MYT1L: variants seen among roughly 807,000 people sequenced by gnomAD.
The protein encoded by MYT1L is myelin transcription factor 1 like, also known as myelin transcription factor 1-like protein.
A neutral mutation model predicts 126.7 loss-of-function variants in MYT1L; 12 were observed. The ratio of observed to expected loss-of-function variants is 0.09; its 90% CI spans 0.06 to 0.15. The LOEUF (loss-of-function observed/expected upper bound fraction) is 0.15. MYT1L is among the 10% of genes least tolerant of loss of function. The pLI is 1.00. For missense variants in MYT1L, 979 were observed against 1,585.2 expected (o/e 0.62, Z 6.49); for synonymous variants, 541 against 604.2 (o/e 0.90, Z 1.53).
At chr2:2,069,652 C>T (rs1574966070) in intron 3 of MYT1L, among the ~76,000 whole-genome samples, 1 of 152,060 alleles carries the variant, frequency 6.6e-6, no homozygotes, top group Admixed American at 6.5e-5. Context: ...ACCACACTGT[C>T]TTCCATAATG....
chr2:2,276,451 C>G (rs1379461010), intron 2 of MYT1L, among the ~76,000 whole-genome samples: 2 of 152,138 alleles, frequency 1.3e-5, no homozygotes, highest in Non-Finnish European at 2.9e-5. Context: ...TTAATAAAGT[C>G]CTTTTACAAC....
rs1054750140 is a variant in MYT1L at position 1,793,875 on chromosome 2, C to A, written c.3277-1411G>T. 3.3e-5 allele frequency among the ~76,000 whole-genome samples: 5 copies of A among 152,170 alleles called. No individual in the cohort carries two copies. The highest frequency in any genetic ancestry group is 1.2e-4 in the African/African-American group (5 of 41,456). ...TCAGGAGTGGATGCCTGCCCTCCCA[C>A]GACTCCTGGGTGGGCCTCGAAGGGC... On this transcript the variant is annotated intron_variant, in intron 23 of 24. Transcript: ENST00000647738. The surrounding 1 kb of genome is among the most constrained non-coding windows in gnomAD (Gnocchi z 4.6).
intron 13 of MYT1L, among the ~76,000 whole-genome samples, chr2:1,906,708 T>C (rs2051107124): frequency 6.6e-6 from 1 of 152,144 alleles, no homozygotes; most frequent in South Asian, 2.1e-4. Flanking sequence ...TAATTGACTG[T>C]CTATTGTCCT....
chr2:1,803,794 C>T (rs555360542), intron 22 of MYT1L, among the ~76,000 whole-genome samples: 14 of 152,192 alleles, frequency 9.2e-5, no homozygotes, highest in South Asian at 4.2e-4. Context: ...GACAGGGAAA[C>T]GGTGCCAGGA....
intron 23 of MYT1L, chr2:1,800,141 C>T (rs1259892027): frequency 6.6e-6 from 1 of 152,348 alleles, no homozygotes; most frequent in Admixed American, 6.5e-5. Context: ...TCTTTGCTGA[C>T]TTGGTCACCT....
chr2:2,129,905 C>CA (rs11417173), intron 3 of MYT1L, among the ~76,000 whole-genome samples: 45,423 of 118,248 alleles, frequency 0.38, 7,609 homozygotes, highest in African/African-American at 0.45. Context: ...GACTCCATCT[C>CA]AAAAAAAAAA....
chr2:1,837,479 A>G (rs1347282204), intron 21 of MYT1L, among the ~76,000 whole-genome samples: 15 of 152,320 alleles, frequency 9.8e-5, no homozygotes, highest in Admixed American at 8.5e-4. Context: ...GCATTTTGGC[A>G]TGATCTGTCA....
In MYT1L at chr2:2,014,199, T is replaced by G. The variant is rs921868065; in HGVS notation, c.-157-16852A>C. The stretch of plus-strand genomic sequence containing the variant: ...CAGTGGGATATGCAGGAATCCTGTT[T>G]TTTTTTTTTTTCCTGAGCAGTCAGA... On this transcript the variant is annotated intron_variant, in intron 4 of 24. Coordinates refer to ENST00000647738, the MANE Select transcript of MYT1L (RefSeq NM_001303052.2). 4.0e-5 allele frequency among the ~76,000 whole-genome samples: 6 copies of G among 151,852 alleles called. No homozygotes were observed. In the South Asian group the frequency reaches 8.4e-4, roughly 21 times the overall value.
In MYT1L at chr2:1,979,764, G is replaced by A. The variant is rs763616383; in HGVS notation, c.14C>T (p.Thr5Ile). The change falls in exon 6 of 25, where the codon ACC becomes ATC. Residue 5 changes from threonine (T) to isoleucine (I), a missense_variant. Thr to Ile is a moderately conservative substitution (Grantham distance 89). This residue lies in a region of MYT1L where 50 missense variants were observed against 48.6 expected (regional missense o/e 1.03). Transcript: ENST00000647738. The surrounding 1 kb of genome is among the most constrained non-coding windows in gnomAD (Gnocchi z 4.0). Reference protein sequence around the residue: MEVDTEEKRHRTRSK... With the variant: MEVDIEEKRHRTRSK... ...CCGCGTGCGATGCCGCTTCTCCTCG[G>A]TGTCCACCTCCATCTGGGGATAGAT... is the stretch of plus-strand genomic sequence containing the variant. 1 of 1,613,940 alleles carries A rather than the reference G, an allele frequency of 6.2e-7. No individual in the cohort carries two copies. Among genetic ancestry groups the A allele is most frequent in the East Asian group, 2.2e-5 (1 of 44,868 alleles).
At chr2:1,891,021 G>A (rs1207328932) in intron 15 of MYT1L, among the ~76,000 whole-genome samples, 2 of 151,698 alleles carry the variant, frequency 1.3e-5, no homozygotes, top group African/African-American at 4.8e-5. Flanking sequence ...TTTTTTTTGT[G>A]GTTGCCACAG....
At chr2:2,298,332 T>C (rs900461273) in intron 1 of MYT1L, among the ~76,000 whole-genome samples, 3 of 152,208 alleles carry the variant, frequency 2.0e-5, no homozygotes, top group East Asian at 1.9e-4. Flanking sequence ...TGAAAACTTA[T>C]GTGATAAGAG....
At chr2:2,251,435 G>A (rs953206090) in intron 2 of MYT1L, among the ~76,000 whole-genome samples, 8 of 152,046 alleles carry the variant, frequency 5.3e-5, no homozygotes, top group African/African-American at 1.9e-4. Context: ...AATGCTGTCC[G>A]CCCACGCCAC....
intron 1 of MYT1L, among the ~76,000 whole-genome samples, chr2:2,320,364 G>A (rs1559666971): frequency 1.3e-5 from 2 of 151,902 alleles, no homozygotes; most frequent in Non-Finnish European, 2.9e-5. Context: ...AAGAGGATGA[G>A]AGGGATGGAC....
intron 4 of MYT1L, among the ~76,000 whole-genome samples, chr2:2,012,560 C>T (rs186931677): frequency 8.7e-4 from 133 of 152,228 alleles, no homozygotes; most frequent in Middle Eastern, 3.4e-3. Flanking sequence ...ATCATAGGCC[C>T]GCTTATTTGT....
At chr2:2,121,006 G>A (rs1003615961) in intron 3 of MYT1L, among the ~76,000 whole-genome samples, 2 of 152,146 alleles carry the variant, frequency 1.3e-5, no homozygotes, top group Admixed American at 6.5e-5. Context: ...CCGGGAGGCC[G>A]GCGCGGAGGA....
chr2:1,923,276 T>G lies in MYT1L; in HGVS notation c.506-13A>C. 6.5e-7 allele frequency: 1 copy of G among 1,544,562 alleles called. No individual in the cohort carries two copies. Among genetic ancestry groups the G allele is most frequent in the Non-Finnish European group, 8.7e-7 (1 of 1,143,860 alleles). On this transcript the variant is annotated splice_polypyrimidine_tract_variant and intron_variant, in intron 9 of 24. Transcript: ENST00000647738. ...ATTTGATGGTCTTCTGCAAAGAAAA[T>G]AAAAAAGACAAAAAAGAAAAGAAAA...
chr2:1,943,542 C>T lies in MYT1L; in HGVS notation c.153-208G>A, dbSNP rs1272822417. On this transcript the variant is annotated intron_variant, in intron 8 of 24. Transcript: ENST00000647738. This position sits in a 1 kb window ranked among gnomAD's most constrained non-coding sequence, Gnocchi z 4.4. ...ATGAAGTGATAGTGCAAATAAATAC[C>T]GCTCACATTTGTCTAGTTACCATTC... Among the ~76,000 whole-genome samples the T allele has an allele frequency of 6.6e-6, 1 of 152,122 alleles. No individual in the cohort carries two copies. Among genetic ancestry groups the T allele is most frequent in the South Asian group, 2.1e-4 (1 of 4,828 alleles).
At chr2:1,871,079 A>G (rs1306154019) in intron 18 of MYT1L, among the ~76,000 whole-genome samples, 1 of 152,198 alleles carries the variant, frequency 6.6e-6, no homozygotes, top group East Asian at 1.9e-4. Flanking sequence ...GAGACAGAAG[A>G]AGCTGAGGAG....
At chr2:2,119,773 T>C (rs940418261) in intron 3 of MYT1L, among the ~76,000 whole-genome samples, 1 of 152,212 alleles carries the variant, frequency 6.6e-6, no homozygotes, top group African/African-American at 2.4e-5. Flanking sequence ...ACTGTATGTA[T>C]GCATTCTCTT....
Sources: allele counts gnomAD v4.1 joint callset (sites outside exome capture counted in the v4.1 genomes callset), GRCh38; gene constraint gnomAD v4.1.1; regional missense constraint gnomAD v4.1.1; non-coding constraint Gnocchi (gnomAD v3.1); transcripts MANE v1.5; gene names NCBI Gene and HGNC (gene_info 2026-07-23, HGNC 2026-07-21).